Variants in PDGFD observed in about 807,000 individuals in gnomAD.
PDGFD encodes platelet derived growth factor D.
Under a neutral mutation model 44.7 loss-of-function variants are expected in PDGFD, and 30 were observed. That is an observed-to-expected ratio of 0.67 (90% CI 0.50 to 0.91). The LOEUF (loss-of-function observed/expected upper bound fraction) is 0.91, where lower values mean the gene tolerates loss of function less well. Among genes scored for constraint, PDGFD ranks in the 40% least tolerant of loss-of-function variants. The pLI is 0.00. For synonymous variants in PDGFD, 173 were observed against 168.4 expected (o/e 1.03, Z -0.21); for missense variants, 445 against 457.8 (o/e 0.97, Z 0.25).
At chr11:104,136,288 C>T (rs1339663657) in intron 1 of PDGFD, among the ~76,000 whole-genome samples, 1 of 152,134 alleles carries the variant, frequency 6.6e-6, no homozygotes. Flanking sequence ...TCTAAAGAAA[C>T]AAAGTATTTC....
intron 1 of PDGFD, among the ~76,000 whole-genome samples, chr11:104,048,203 C>T (rs1298484706): frequency 6.6e-6 from 1 of 152,024 alleles, no homozygotes; most frequent in Admixed American, 6.6e-5. Flanking sequence ...GAGACCATGT[C>T]TTCATTTTGA....
chr11:104,052,665 A>G (rs1444261960), intron 1 of PDGFD, among the ~76,000 whole-genome samples: 1 of 152,146 alleles, frequency 6.6e-6, no homozygotes, highest in Non-Finnish European at 1.5e-5. Context: ...TGACATGAGC[A>G]GAGGTAGTTG....
intron 3 of PDGFD, among the ~76,000 whole-genome samples, chr11:103,960,315 G>A (rs1052434413): frequency 7.2e-5 from 11 of 152,268 alleles, no homozygotes; most frequent in Middle Eastern, 3.4e-3. Context: ...TATTGCCCAC[G>A]CCCAAGGATT....
chr11:104,056,703 AT>A (rs1476103655), intron 1 of PDGFD, among the ~76,000 whole-genome samples: 1 of 152,248 alleles, frequency 6.6e-6, no homozygotes, highest in Non-Finnish European at 1.5e-5. Flanking sequence ...CAAAAATTAC[AT>A]TTTAAGACAA....
intron 1 of PDGFD, among the ~76,000 whole-genome samples, chr11:104,104,211 A>G (rs898050943): frequency 2.0e-5 from 3 of 152,218 alleles, no homozygotes; most frequent in African/African-American, 7.2e-5. Flanking sequence ...TTTGTGTTTT[A>G]AGCTATTTTG....
At chr11:104,078,932 A>T (rs1861006223) in intron 1 of PDGFD, among the ~76,000 whole-genome samples, 1 of 152,150 alleles carries the variant, frequency 6.6e-6, no homozygotes, top group South Asian at 2.1e-4. Context: ...ACCTGTATTA[A>T]AGAAAGCCTC....
chr11:103,981,851 G>T (rs1175790977), intron 3 of PDGFD, among the ~76,000 whole-genome samples: 1 of 151,710 alleles, frequency 6.6e-6, no homozygotes, highest in Non-Finnish European at 1.5e-5. Flanking sequence ...CATGAGGAAG[G>T]CCAGCTCAGC....
chr11:104,162,896 G>A (rs1362172504), intron 1 of PDGFD, among the ~76,000 whole-genome samples: 2 of 152,114 alleles, frequency 1.3e-5, no homozygotes, highest in Non-Finnish European at 2.9e-5. Flanking sequence ...AAAAGCCTAT[G>A]GGTCAGTTCA....
At chr11:104,032,867 A>G (rs1374260410) in intron 1 of PDGFD, among the ~76,000 whole-genome samples, 2 of 152,068 alleles carry the variant, frequency 1.3e-5, no homozygotes, top group Admixed American at 1.3e-4. Flanking sequence ...AAATTTAATT[A>G]TATTCTTATA....
chr11:104,122,381 T>A (rs1861789980), intron 1 of PDGFD, among the ~76,000 whole-genome samples: 1 of 151,974 alleles, frequency 6.6e-6, no homozygotes, highest in Non-Finnish European at 1.5e-5. Flanking sequence ...GCACACTTAG[T>A]CCTAACCAGC....
chr11:104,036,974 A>C (rs761842739), intron 1 of PDGFD: 2 of 1,614,074 alleles, frequency 1.2e-6, no homozygotes, highest in African/African-American at 2.7e-5. Flanking sequence ...ATCCACATGG[A>C]GCGACTCCTC....
intron 1 of PDGFD, among the ~76,000 whole-genome samples, chr11:104,157,694 C>T (rs1256197048): frequency 6.6e-6 from 1 of 152,132 alleles, no homozygotes; most frequent in East Asian, 1.9e-4. Flanking sequence ...TGGATTTTAA[C>T]ATTTTAAAAA....
At chr11:104,018,121 T>C (rs1859888296) in intron 1 of PDGFD, among the ~76,000 whole-genome samples, 1 of 152,038 alleles carries the variant, frequency 6.6e-6, no homozygotes, top group South Asian at 2.1e-4. Context: ...CCCTTTACAT[T>C]GTCCCCCAAT....
At chr11:104,017,764 T>C (rs1859881519) in intron 1 of PDGFD, among the ~76,000 whole-genome samples, 1 of 152,196 alleles carries the variant, frequency 6.6e-6, no homozygotes, top group South Asian at 2.1e-4. Flanking sequence ...TGCTAACTTT[T>C]GTGAGGGAGA....
At chr11:104,090,128 A>G (rs1353776125) in intron 1 of PDGFD, among the ~76,000 whole-genome samples, 1 of 152,042 alleles carries the variant, frequency 6.6e-6, no homozygotes, top group Non-Finnish European at 1.5e-5. Context: ...AGAAATATTA[A>G]TTGTATTTTC....
At chr11:104,066,702 G>T (rs1237680333) in intron 1 of PDGFD, among the ~76,000 whole-genome samples, 2 of 152,128 alleles carry the variant, frequency 1.3e-5, no homozygotes, top group Admixed American at 6.5e-5. Flanking sequence ...TATCTTAGAT[G>T]GTAGTGACAT....
rs1259754075 is a variant in PDGFD at position 104,152,678 on chromosome 11, C to CT, written c.124+11125dup. 3.9e-5 allele frequency among the ~76,000 whole-genome samples: 6 copies of CT among 152,010 alleles called. 1 individual carries two copies. The South Asian group carries it at 8.3e-4, about 21-fold the overall frequency. The stretch of plus-strand genomic sequence containing the variant: ...TTTTTTGTTTTTGTTTTTGGTTTGG[C>CT]TTTTTTTAAAAGACAATTGAAAATT... On this transcript the variant is annotated intron_variant, in intron 1 of 6. Transcript: ENST00000393158.
intron 1 of PDGFD, among the ~76,000 whole-genome samples, chr11:104,034,706 A>C (rs889246699): frequency 1.3e-5 from 2 of 151,290 alleles, no homozygotes; most frequent in Admixed American, 1.3e-4. Flanking sequence ...GCACTGGCGC[A>C]ATCTCGGCTT....
chr11:104,059,110 G>A (rs2515078), intron 1 of PDGFD, among the ~76,000 whole-genome samples: 151,758 of 152,320 alleles, frequency 1, 75,603 homozygotes, highest in Middle Eastern at 1. Context: ...CTGTACAACT[G>A]AAAATGGTGA....
Sources: allele counts gnomAD v4.1 joint callset (sites outside exome capture counted in the v4.1 genomes callset), GRCh38; gene constraint gnomAD v4.1.1; transcripts MANE v1.5; gene names NCBI Gene and HGNC (gene_info 2026-07-23, HGNC 2026-07-21).